The following TMEM266 variants were observed in gnomAD, a reference collection of about 807,000 sequenced individuals.
TMEM266 encodes the protein transmembrane protein 266, also known as Hv1 related protein 1.
TMEM266 carries 33 observed loss-of-function variants against 50.5 expected under a neutral mutation model. The observed-to-expected ratio is 0.65, with a 90% CI of 0.50 to 0.87. The LOEUF (loss-of-function observed/expected upper bound fraction) is 0.87. TMEM266 is among the 40% of genes least tolerant of loss of function. TMEM266 has a pLI of 0.00. For missense variants in TMEM266, 655 were observed against 695.1 expected, an observed-to-expected ratio of 0.94 and a Z score of 0.65; for synonymous variants, 310 against 292.3, an observed-to-expected ratio of 1.06 and a Z score of -0.62.
intron 1 of TMEM266, among the ~76,000 whole-genome samples, chr15:76,079,649 TTGG>T (rs1385573457): frequency 1.4e-5 from 2 of 145,492 alleles, no homozygotes; most frequent in Admixed American, 1.4e-4. Context: ...TTAGCCAGGC[TTGG>T]TGGTGTGTGC....
chr15:76,092,989 G>A (rs2036870955), intron 1 of TMEM266, among the ~76,000 whole-genome samples: 1 of 150,922 alleles, frequency 6.6e-6, no homozygotes, highest in African/African-American at 2.4e-5. Context: ...TGTATTTTTA[G>A]TAGAGACGGG....
chr15:76,195,994 G>A (rs917842135), intron 9 of TMEM266, among the ~76,000 whole-genome samples: 38 of 152,250 alleles, frequency 2.5e-4, no homozygotes, highest in African/African-American at 9.2e-4. Context: ...CCAGGAGGAG[G>A]AGGAGGGAGG....
chr15:76,131,009 A>C (rs981116839), intron 1 of TMEM266, among the ~76,000 whole-genome samples: 2 of 152,186 alleles, frequency 1.3e-5, no homozygotes, highest in Non-Finnish European at 2.9e-5. Context: ...GCCCAGAGAG[A>C]CAGGAAGGTC....
intron 8 of TMEM266, among the ~76,000 whole-genome samples, chr15:76,183,899 C>A (rs1432877033): frequency 2.6e-5 from 4 of 152,336 alleles, no homozygotes; most frequent in South Asian, 2.1e-4. Context: ...CGTGGAGGAA[C>A]CGGAGCAGAC....
chr15:76,204,594 G>A lies in TMEM266; in HGVS notation c.*279G>A, dbSNP rs570383070. 79 of 285,050 alleles carry A rather than the reference G, an allele frequency of 2.8e-4. No homozygotes were observed. The South Asian group carries it at 4.6e-3, about 17-fold the overall frequency. The allele number at this position is 285,050 out of a possible 1,614,324, so 17.7% of individuals were successfully genotyped here. On this transcript the variant is annotated 3_prime_UTR_variant, in exon 11 of 11. Coordinates refer to ENST00000388942, the MANE Select transcript of TMEM266 (RefSeq NM_152335.3). The stretch of plus-strand genomic sequence containing the variant: ...TTTACAAAAACCAGCCTGTGGCCCA[G>A]CTTCAGCAGGGTAGAGTGTGGGGGG...
intron 1 of TMEM266, among the ~76,000 whole-genome samples, chr15:76,117,065 A>C (rs62028650): frequency 0.17 from 25,211 of 151,722 alleles, 2,817 homozygotes; most frequent in Non-Finnish European, 0.25. Flanking sequence ...ACGCCGGGCT[A>C]ATTTTGTATT....
At chr15:76,086,314 C>T (rs560426006) in intron 1 of TMEM266, among the ~76,000 whole-genome samples, 2 of 152,290 alleles carry the variant, frequency 1.3e-5, no homozygotes, top group African/African-American at 4.8e-5. Context: ...AGTCTAAGAA[C>T]AGGCAATGAA....
At position 76,092,044 on chromosome 15, in the gene TMEM266, A is replaced by G. The variant is rs147907229; in HGVS notation, c.-97+32028A>G. On this transcript the variant is annotated intron_variant, in intron 1 of 10. Transcript: ENST00000388942. Reference sequence around the variant, plus strand: ...AACCTATGGCAAAAGTCATGGATCAAATATGAAGCAGGCTAAAATATAGTA... The same window carrying G: ...AACCTATGGCAAAAGTCATGGATCAGATATGAAGCAGGCTAAAATATAGTA... Among the ~76,000 whole-genome samples the G allele has an allele frequency of 1.6e-3, 248 of 152,140 alleles. 4 individuals carry two copies. The highest frequency in any genetic ancestry group is 5.4e-3 in the African/African-American group (224 of 41,552).
chr15:76,116,486 C>T (rs780900753), intron 1 of TMEM266, among the ~76,000 whole-genome samples: 2 of 152,030 alleles, frequency 1.3e-5, no homozygotes, highest in African/African-American at 4.8e-5. Flanking sequence ...CTGTCCCTCC[C>T]CCTCTCCTCC....
chr15:76,077,174 A>G (rs1210011494), intron 1 of TMEM266, among the ~76,000 whole-genome samples: 2 of 152,024 alleles, frequency 1.3e-5, no homozygotes, highest in Non-Finnish European at 1.5e-5. Flanking sequence ...CATGTTGCCC[A>G]GGCTGGTCTC....
chr15:76,182,646 A>C (rs1331033966), intron 8 of TMEM266, among the ~76,000 whole-genome samples: 1 of 152,188 alleles, frequency 6.6e-6, no homozygotes, highest in African/African-American at 2.4e-5. Context: ...TCAGTCACAA[A>C]AAAACAAAAC....
At chr15:76,079,272 G>T (rs1259501879) in intron 1 of TMEM266, among the ~76,000 whole-genome samples, 1 of 151,142 alleles carries the variant, frequency 6.6e-6, no homozygotes, top group African/African-American at 2.4e-5. Context: ...AGAATCGCTT[G>T]AACCCCAGAG....
In TMEM266 at chr15:76,134,261, C is replaced by T. The variant is rs932491629; in HGVS notation, c.-3C>T. On this transcript the variant is annotated 5_prime_UTR_variant, in exon 2 of 11. Transcript: ENST00000388942. ...TGAGCCCCACTAAACACCAAGAAAA[C>T]CCATGGCTGTGGCTCCATCTTTCAA... 1.9e-6 allele frequency: 3 copies of T among 1,614,062 alleles called. No homozygotes were observed. Among genetic ancestry groups the T allele is most frequent in the African/African-American group, 2.7e-5 (2 of 75,032 alleles).
At chr15:76,060,265 A>G (rs1484807184) in intron 1 of TMEM266, among the ~76,000 whole-genome samples, 1 of 151,672 alleles carries the variant, frequency 6.6e-6, no homozygotes, top group East Asian at 2.0e-4. Flanking sequence ...TATTTTTGCA[A>G]ACTGCCCTGG....
chr15:76,157,446 A>G (rs574036936), intron 4 of TMEM266, among the ~76,000 whole-genome samples: 1 of 152,210 alleles, frequency 6.6e-6, no homozygotes, highest in Admixed American at 6.5e-5. Flanking sequence ...TCCTCTTGGC[A>G]TTTGTCTTAG....
At chr15:76,106,339 C>A (rs892746299) in intron 1 of TMEM266, among the ~76,000 whole-genome samples, 1 of 152,154 alleles carries the variant, frequency 6.6e-6, no homozygotes, top group Non-Finnish European at 1.5e-5. Flanking sequence ...TGATTTCCCC[C>A]ATCCTTTCTA....
chr15:76,140,923 G>T (rs1370803663), intron 3 of TMEM266, among the ~76,000 whole-genome samples: 2 of 151,650 alleles, frequency 1.3e-5, no homozygotes, highest in African/African-American at 4.8e-5. Context: ...TGTCATCCTA[G>T]CTGCTTCAGA....
intron 1 of TMEM266, among the ~76,000 whole-genome samples, chr15:76,109,846 G>A (rs1406039595): frequency 6.6e-6 from 1 of 151,722 alleles, no homozygotes; most frequent in Non-Finnish European, 1.5e-5. Flanking sequence ...TTTTTGTGGA[G>A]ACAAGGTTTC....
At chr15:76,152,327 A>C (rs2037857001) in intron 3 of TMEM266, among the ~76,000 whole-genome samples, 1 of 152,166 alleles carries the variant, frequency 6.6e-6, no homozygotes, top group African/African-American at 2.4e-5. Flanking sequence ...CTGAGGGCAG[A>C]GTGTGGGCAG....
Sources: allele counts gnomAD v4.1 joint callset (sites outside exome capture counted in the v4.1 genomes callset), GRCh38; gene constraint gnomAD v4.1.1; transcripts MANE v1.5; gene names NCBI Gene and HGNC (gene_info 2026-07-23, HGNC 2026-07-21).